The following DAB1 variants were observed in gnomAD, a reference collection of about 807,000 sequenced individuals.
The protein encoded by DAB1 is disabled homolog 1.
In DAB1, 15 loss-of-function variants were observed where a neutral mutation model predicts 64.6. That is an observed-to-expected ratio of 0.23 (90% CI 0.16 to 0.36). The LOEUF (loss-of-function observed/expected upper bound fraction) is 0.36. DAB1 is among the 10% of genes least tolerant of loss of function. The pLI, the probability that DAB1 is intolerant of heterozygous loss-of-function variation, is 1.00. For synonymous variants in DAB1, 235 were observed against 251.9 expected (o/e 0.93, Z 0.64); for missense variants, 596 against 706.7 (o/e 0.84, Z 1.78).
chr1:57,201,243 T>G (rs1316167363), intron 2 of DAB1, among the ~76,000 whole-genome samples: 2 of 151,870 alleles, frequency 1.3e-5, no homozygotes, highest in Non-Finnish European at 2.9e-5. Context: ...AAGCATTCAT[T>G]CATTCATTGG....
chr1:57,107,313 T>G (rs1192303609), intron 4 of DAB1, among the ~76,000 whole-genome samples: 2 of 150,356 alleles, frequency 1.3e-5, no homozygotes, highest in Non-Finnish European at 2.9e-5. Context: ...AGGCGGAAGT[T>G]GCAGTGAGCC....
chr1:58,188,657 A>T (rs181784051), intron 4 of DAB1, among the ~76,000 whole-genome samples: 1 of 152,356 alleles, frequency 6.6e-6, no homozygotes, highest in East Asian at 1.9e-4. Context: ...TGGAAATGCT[A>T]TGGTTCAAAA....
At chr1:57,398,506 G>A (rs913358672) in intron 1 of DAB1, among the ~76,000 whole-genome samples, 5 of 152,122 alleles carry the variant, frequency 3.3e-5, no homozygotes, top group East Asian at 1.9e-4. Flanking sequence ...TGTTTGTTTC[G>A]GAATATTTTT....
At chr1:58,442,070 A>G (rs1202704931) in intron 3 of DAB1, among the ~76,000 whole-genome samples, 1 of 152,202 alleles carries the variant, frequency 6.6e-6, no homozygotes, top group East Asian at 1.9e-4. Flanking sequence ...CGGTTTGTAA[A>G]TAGGGCACAC....
intron 5 of DAB1, among the ~76,000 whole-genome samples, chr1:58,078,507 C>T (rs1318459198): frequency 1.3e-5 from 2 of 151,978 alleles, no homozygotes; most frequent in African/African-American, 4.8e-5. Flanking sequence ...GTTTTTTTAC[C>T]TTGTTCTCTC....
chr1:57,366,126 A>G (rs1335218716), intron 1 of DAB1, among the ~76,000 whole-genome samples: 1 of 152,188 alleles, frequency 6.6e-6, no homozygotes, highest in Non-Finnish European at 1.5e-5. Context: ...ATGTGCAAAT[A>G]TGTTCATGCC....
intron 6 of DAB1, among the ~76,000 whole-genome samples, chr1:57,706,133 A>C (rs902296472): frequency 9.2e-5 from 14 of 152,188 alleles, no homozygotes; most frequent in Non-Finnish European, 1.9e-4. Context: ...ACACTGCTGA[A>C]TCCTTTTTTA....
At chr1:57,137,784 C>A (rs76921276) in intron 3 of DAB1, among the ~76,000 whole-genome samples, 1 of 152,110 alleles carries the variant, frequency 6.6e-6, no homozygotes, top group South Asian at 2.1e-4. Context: ...TTCTCAGCAT[C>A]AGTTTTGGGG....
intron 1 of DAB1, among the ~76,000 whole-genome samples, chr1:57,348,214 G>A (rs980366853): frequency 4.6e-5 from 7 of 152,086 alleles, no homozygotes; most frequent in Admixed American, 4.6e-4. Flanking sequence ...CCACAGAGGA[G>A]CAAACACTTG....
chr1:57,171,147 G>T (rs1276176762), intron 2 of DAB1, among the ~76,000 whole-genome samples: 2 of 152,100 alleles, frequency 1.3e-5, no homozygotes, highest in African/African-American at 4.8e-5. Flanking sequence ...TAGCAATACT[G>T]GTGCTATTGT....
upstream of DAB1, among the ~76,000 whole-genome samples, chr1:57,887,230 C>A (rs1644237133): frequency 6.6e-6 from 1 of 152,166 alleles, no homozygotes; most frequent in Non-Finnish European, 1.5e-5. Context: ...TTGTTTTGTA[C>A]CACTCATCTC....
intron 2 of DAB1, among the ~76,000 whole-genome samples, chr1:57,146,421 T>C (rs1205411745): frequency 6.6e-6 from 1 of 152,216 alleles, no homozygotes; most frequent in Non-Finnish European, 1.5e-5. Context: ...TATAATATCC[T>C]TAACTTCAAC....
chr1:57,214,943 G>A (rs1375764658), intron 2 of DAB1, among the ~76,000 whole-genome samples: 2 of 143,892 alleles, frequency 1.4e-5, no homozygotes, highest in South Asian at 4.4e-4. Context: ...AAGAAAAAAG[G>A]CAAGAAAAAC....
At chr1:57,673,960 A>G (rs1386756268) in intron 6 of DAB1, among the ~76,000 whole-genome samples, 1 of 152,194 alleles carries the variant, frequency 6.6e-6, no homozygotes, top group Non-Finnish European at 1.5e-5. Context: ...ATGGAGAGAC[A>G]TTAAGAGGAT....
chr1:58,070,268 C>G (rs1649149555), intron 5 of DAB1, among the ~76,000 whole-genome samples: 1 of 152,162 alleles, frequency 6.6e-6, no homozygotes, highest in South Asian at 2.1e-4. Context: ...TGATCAATCC[C>G]AAATATTGGT....
intron 4 of DAB1, among the ~76,000 whole-genome samples, chr1:58,276,065 G>A (rs548606914): frequency 4.9e-4 from 74 of 152,250 alleles, no homozygotes; most frequent in African/African-American, 1.7e-3. Flanking sequence ...GTTACAAAAA[G>A]ACAAATACTA....
intron 5 of DAB1, among the ~76,000 whole-genome samples, chr1:58,097,765 C>T (rs1651074988): frequency 6.6e-6 from 1 of 152,160 alleles, no homozygotes; most frequent in Non-Finnish European, 1.5e-5. Context: ...TCCACTCTCT[C>T]AGCTCAACTG....
chr1:57,703,251 A>G (rs1357899168), intron 6 of DAB1, among the ~76,000 whole-genome samples: 2 of 152,224 alleles, frequency 1.3e-5, no homozygotes, highest in African/African-American at 4.8e-5. Flanking sequence ...GTAAACAGAC[A>G]ACCTACAAAA....
chr1:58,294,545 C>T (rs745920390), intron 4 of DAB1, among the ~76,000 whole-genome samples: 14 of 152,092 alleles, frequency 9.2e-5, no homozygotes, highest in Admixed American at 5.2e-4. Flanking sequence ...AAAGGAGACA[C>T]GGCTCTGTCT....
Sources: gnomAD v4.1 joint callset for allele counts (sites outside exome capture counted in the v4.1 genomes callset) on GRCh38, gnomAD v4.1.1 for gene constraint, MANE v1.5 for transcripts, NCBI Gene and HGNC (gene_info 2026-07-23, HGNC 2026-07-21) for gene names.